Variants in RAB14 observed in about 807,000 individuals in gnomAD.
RAB14 encodes RAB14, member RAS oncogene family, also known as ras-related protein Rab-14.
Under a neutral mutation model 31.1 loss-of-function variants are expected in RAB14, and 3 were observed. That is an observed-to-expected ratio of 0.10 (90% confidence interval 0.04 to 0.25). The LOEUF is 0.25. RAB14 is among the 10% of genes least tolerant of loss of function. RAB14 has a pLI of 1.00. For missense variants in RAB14, 111 were observed against 260.1 expected (o/e 0.43, Z 3.94); for synonymous variants, 85 against 84.9 (o/e 1.00, Z 0.00).
At chr9:121,199,127 A>G (rs2209076) in intron 1 of RAB14, among the ~76,000 whole-genome samples, 59,579 of 151,770 alleles carry the variant, frequency 0.39, 13,187 homozygotes, top group South Asian at 0.65. Flanking sequence ...CCAAAAAGCC[A>G]AAAAAAACCC....
chr9:121,195,802 C>T (rs1486955126), intron 1 of RAB14, among the ~76,000 whole-genome samples: 1 of 152,076 alleles, frequency 6.6e-6, no homozygotes, highest in African/African-American at 2.4e-5. Context: ...AACACTGTAG[C>T]CACCAACACT....
At chr9:121,197,478 A>T (rs1338841248) in intron 1 of RAB14, among the ~76,000 whole-genome samples, 1 of 152,220 alleles carries the variant, frequency 6.6e-6, no homozygotes, top group Non-Finnish European at 1.5e-5. Flanking sequence ...AAAATGATAG[A>T]CACATTTTCA....
intron 4 of RAB14, among the ~76,000 whole-genome samples, chr9:121,189,753 A>G (rs2053676708): frequency 6.6e-6 from 1 of 152,142 alleles, no homozygotes. Flanking sequence ...GAAAGGAAAT[A>G]TGCTTTAAAC....
chr9:121,193,274 G>A (rs1483458839), intron 2 of RAB14, 87 bp downstream of exon 2: 28 of 883,890 alleles, frequency 3.2e-5, no homozygotes, highest in Non-Finnish European at 4.8e-5. Flanking sequence ...ACTCAGTCCT[G>A]AAGTGGTACT....
intron 2 of RAB14, among the ~76,000 whole-genome samples, chr9:121,192,641 T>C (rs1267472803): frequency 1.3e-5 from 2 of 152,106 alleles, no homozygotes; most frequent in East Asian, 1.9e-4. Context: ...TTCTGGAAGC[T>C]TGATTCACTA....
intron 1 of RAB14, among the ~76,000 whole-genome samples, chr9:121,199,111 TAAC>T (rs991762515): frequency 2.3e-4 from 35 of 152,210 alleles, no homozygotes; most frequent in Middle Eastern, 3.4e-3. Flanking sequence ...AGAAAGCACT[TAAC>T]AACCAAAAAG....
At chr9:121,200,397 C>A (rs1365751509) in intron 1 of RAB14, among the ~76,000 whole-genome samples, 1 of 152,172 alleles carries the variant, frequency 6.6e-6, no homozygotes, top group African/African-American at 2.4e-5. Flanking sequence ...GGGATAGTAA[C>A]GAAATGAGCA....
At chr9:121,190,820 G>A in intron 3 of RAB14, 89 bp from the exon 4 acceptor site, 1 of 1,276,292 alleles carries the variant, frequency 7.8e-7, no homozygotes, top group Non-Finnish European at 1.1e-6. Flanking sequence ...TAAGCAAATG[G>A]CTTACTAATA....
At chr9:121,191,347 T>A (rs147378413) in intron 3 of RAB14, among the ~76,000 whole-genome samples, 66 of 152,196 alleles carry the variant, frequency 4.3e-4, no homozygotes, top group African/African-American at 1.6e-3. Flanking sequence ...TATATATGCA[T>A]ATATTTTAGA....
chr9:121,193,513 CTG>C, intron 1 of RAB14, 94 bp from the exon 2 acceptor site: 1 of 790,068 alleles, frequency 1.3e-6, no homozygotes, highest in Non-Finnish European at 2.1e-6. Flanking sequence ...GAAAAGGACA[CTG>C]AATACAAACA....
Position 121,181,328 on chromosome 9 carries a change from C to CTT in RAB14, c.*67_*68insAA. The CTT allele has an allele frequency of 1.4e-6, 2 of 1,388,390 alleles. No individual in the cohort carries two copies. Among genetic ancestry groups the CTT allele is most frequent in the Non-Finnish European group, 1.9e-6 (2 of 1,034,108 alleles). 86.0% of individuals were successfully genotyped at this position (1,388,390 alleles called of 1,614,324 possible). A position where few individuals can be genotyped will look rare whatever the true frequency, so the allele number is the denominator to read the frequency against. ...GTAAGATGTACAGAAGACAATGAGGCAGTAAAAAGTACTGCTTCCAACAGA... is the reference window on the plus strand; with the variant it reads ...GTAAGATGTACAGAAGACAATGAGGCTTAGTAAAAAGTACTGCTTCCAACAGA... On this transcript the variant is annotated 3_prime_UTR_variant, in exon 8 of 8. Coordinates refer to ENST00000373840, the MANE Select transcript of RAB14 (RefSeq NM_016322.4).
rs1354536768 is a variant in RAB14, at chr9:121,178,174, C to T, written c.*3222G>A. The T allele has an allele frequency of 6.6e-6, 1 of 152,160 alleles. No homozygotes were observed. The highest frequency in any genetic ancestry group is 2.4e-5 in the African/African-American group (1 of 41,418). The allele number at this position is 152,160 out of a possible 1,614,324, so 9.4% of individuals were successfully genotyped here. ...TTTTTATTCCAAAACAGTTATTTGG[C>T]TAGACGTGAACCGTTAAGATACGGG... On this transcript the variant is annotated 3_prime_UTR_variant, in exon 8 of 8. Coordinates refer to ENST00000373840, the MANE Select transcript of RAB14 (RefSeq NM_016322.4).
At chr9:121,197,823 A>G (rs960037532) in intron 1 of RAB14, among the ~76,000 whole-genome samples, 1 of 152,232 alleles carries the variant, frequency 6.6e-6, no homozygotes, top group African/African-American at 2.4e-5. Context: ...CATTTAATGC[A>G]CCATTTTTAC....
intron 5 of RAB14, among the ~76,000 whole-genome samples, chr9:121,183,678 C>T (rs906091856): frequency 5.3e-5 from 8 of 152,088 alleles, no homozygotes; most frequent in Admixed American, 1.3e-4. Context: ...GTTACATGTT[C>T]GTTGCTGGGT....
At chr9:121,198,501 T>C (rs923619724) in intron 1 of RAB14, among the ~76,000 whole-genome samples, 2 of 152,338 alleles carry the variant, frequency 1.3e-5, no homozygotes, top group South Asian at 2.1e-4. Flanking sequence ...AATTTTTACA[T>C]AGCTGATCCA....
At chr9:121,187,827 T>C (rs2053665925) in intron 4 of RAB14, among the ~76,000 whole-genome samples, 1 of 152,070 alleles carries the variant, frequency 6.6e-6, no homozygotes, top group Non-Finnish European at 1.5e-5. Flanking sequence ...ATGTTTCTGA[T>C]TTATAGACTC....
intron 5 of RAB14, among the ~76,000 whole-genome samples, chr9:121,183,923 A>T (rs1487258989): frequency 6.6e-6 from 1 of 152,232 alleles, no homozygotes; most frequent in Non-Finnish European, 1.5e-5. Flanking sequence ...AATTGTGGGC[A>T]TTCCCTAGAG....
chr9:121,192,138 A>C, intron 3 of RAB14, 33 bp downstream of exon 3: 2 of 1,432,468 alleles, frequency 1.4e-6, no homozygotes, highest in African/African-American at 2.9e-5. Context: ...GATAAAGAAA[A>C]CTATTAATGT....
intron 5 of RAB14, 151 bp from the exon 6 acceptor site, chr9:121,183,549 C>T (rs931819750): frequency 6.4e-5 from 40 of 622,352 alleles, no homozygotes; most frequent in South Asian, 2.9e-4. Flanking sequence ...GACAGGGCTA[C>T]AGATTCATGA....
Sources: allele counts gnomAD v4.1 joint callset (sites outside exome capture counted in the v4.1 genomes callset), GRCh38; gene constraint gnomAD v4.1.1; transcripts MANE v1.5; gene names NCBI Gene and HGNC (gene_info 2026-07-23, HGNC 2026-07-21).